The following MYH11 variants were observed in gnomAD, a reference collection of about 807,000 sequenced individuals.
MYH11 encodes myosin heavy chain 11, also known as myosin-11.
A neutral mutation model predicts 246.6 loss-of-function variants in MYH11; 80 were observed. The ratio of observed to expected loss-of-function variants is 0.32; its 90% CI spans 0.27 to 0.39. The LOEUF is 0.39. Ranked by LOEUF, MYH11 falls within the 10% of genes least tolerant of loss-of-function variation. The pLI, the probability that MYH11 is intolerant of heterozygous loss-of-function variation, is 1.00. For synonymous variants in MYH11, 1,071 were observed against 1,015.5 expected (o/e 1.05, Z -1.04); for missense variants, 2,158 against 2,546.8 (o/e 0.85, Z 3.29).
chr16:15,779,220 C>T (rs954401430), intron 6 of MYH11: 1 of 359,158 alleles, frequency 2.8e-6, no homozygotes, highest in Non-Finnish European at 5.4e-6. Context: ...ACCTTGAACT[C>T]CTGGGCTCAA....
rs573674639 is a variant in MYH11 at position 15,831,041 on chromosome 16, A to C, written c.345+6867T>G. On this transcript the variant is annotated intron_variant, in intron 2 of 40. Coordinates refer to ENST00000300036, the MANE Select transcript of MYH11 (RefSeq NM_002474.3). ...ACAAAAATCAGCTGGGTGTGGTAGT[A>C]CACGCCTGTAGTCTCAGCTACTTGG... Among the ~76,000 whole-genome samples the C allele has an allele frequency of 2.5e-4, 38 of 152,252 alleles. 1 individual carries two copies. Among genetic ancestry groups the C allele is most frequent in the African/African-American group, 7.7e-4 (32 of 41,546 alleles).
At chr16:15,705,895 G>A (rs571542328) in intron 40 of MYH11, among the ~76,000 whole-genome samples, 2 of 145,996 alleles carry the variant, frequency 1.4e-5, no homozygotes, top group South Asian at 2.2e-4. Flanking sequence ...TGAGGCAGGA[G>A]AATGACATGA....
chr16:15,715,213 A>G lies in MYH11; in HGVS notation c.5564T>C (p.Leu1855Ser). ...KQKDKKLKEI[L>S]LQVEDERKMA... is the part of the protein sequence containing the mutation. ...CTTGCGCTCGTCCTCCACCTGCAGCAAGATTTCCTTCAGCTTCTTGTCTTT... is the reference window on the plus strand; with the variant it reads ...CTTGCGCTCGTCCTCCACCTGCAGCGAGATTTCCTTCAGCTTCTTGTCTTT... The change falls in exon 39 of 41, where the codon TTG becomes TCG. Residue 1855 changes from leucine (L) to serine (S), a missense_variant. By Grantham distance (145) the Leu-to-Ser change is moderately radical (BLOSUM62 -2). Coordinates refer to ENST00000300036, the MANE Select transcript of MYH11 (RefSeq NM_002474.3). 1 of 1,614,072 alleles carries G rather than the reference A, an allele frequency of 6.2e-7. No individual in the cohort carries two copies.
At chr16:15,812,979 C>A (rs1465390738) in intron 3 of MYH11, among the ~76,000 whole-genome samples, 1 of 152,230 alleles carries the variant, frequency 6.6e-6, no homozygotes, top group Non-Finnish European at 1.5e-5. Flanking sequence ...CCAGTCTGGT[C>A]AACACGGTGA....
At chr16:15,760,414 A>G (rs753985471) in intron 11 of MYH11, 126 bp downstream of exon 11, 7 of 808,566 alleles carry the variant, frequency 8.7e-6, no homozygotes, top group Admixed American at 1.7e-5. Flanking sequence ...GGATGGATGG[A>G]CAGATGCAGA....
intron 3 of MYH11, among the ~76,000 whole-genome samples, chr16:15,822,132 T>C (rs216154): frequency 0.52 from 78,404 of 152,006 alleles, 22,874 homozygotes; most frequent in African/African-American, 0.8. Context: ...AGTCCCTCTA[T>C]CTTGGGGGCG....
intron 12 of MYH11, 74 bp downstream of exon 12, chr16:15,759,502 A>G (rs2041816522): frequency 1.9e-6 from 3 of 1,604,668 alleles, no homozygotes; most frequent in Middle Eastern, 1.7e-4. Context: ...TTTCTCCAAA[A>G]TCATGACTCC....
intron 6 of MYH11, among the ~76,000 whole-genome samples, chr16:15,780,566 C>G (rs960963349): frequency 7.6e-5 from 11 of 145,028 alleles, no homozygotes; most frequent in African/African-American, 2.8e-4. Context: ...ACTGCAACCT[C>G]CATCTCCCCG....
chr16:15,712,975 TC>T (rs1442559251), intron 40 of MYH11: 1 of 150,366 alleles, frequency 6.7e-6, no homozygotes, highest in African/African-American at 2.5e-5. Context: ...TGCCTCAGCC[TC>T]CTGAGTAGCT....
chr16:15,738,194 AT>A (rs547949515), intron 24 of MYH11, among the ~76,000 whole-genome samples: 1 of 151,266 alleles, frequency 6.6e-6, no homozygotes, highest in Non-Finnish European at 1.5e-5. Flanking sequence ...TTCCTTTCTG[AT>A]TTTCCTGCTT....
At chr16:15,855,921 T>C (rs2044455341) in intron 1 of MYH11, among the ~76,000 whole-genome samples, 1 of 152,192 alleles carries the variant, frequency 6.6e-6, no homozygotes, top group African/African-American at 2.4e-5. Flanking sequence ...CACTCCCACC[T>C]TGGGTTTCTA....
chr16:15,752,087 C>G (rs1041726035), intron 15 of MYH11, among the ~76,000 whole-genome samples: 4 of 151,906 alleles, frequency 2.6e-5, no homozygotes, highest in African/African-American at 9.7e-5. Flanking sequence ...CCACCATGCG[C>G]AGCCTCATGC....
chr16:15,796,267 C>T (rs967226247), intron 4 of MYH11, among the ~76,000 whole-genome samples: 1 of 152,154 alleles, frequency 6.6e-6, no homozygotes, highest in Admixed American at 6.5e-5. Flanking sequence ...TTTAAGTGAA[C>T]TTTGTGCTCA....
At chr16:15,728,629 G>T (rs2040869175) in intron 27 of MYH11, among the ~76,000 whole-genome samples, 1 of 152,168 alleles carries the variant, frequency 6.6e-6, no homozygotes, top group Non-Finnish European at 1.5e-5. Context: ...GCCAGGCGCG[G>T]TGGCTCAGGC....
chr16:15,817,951 T>C (rs760855023), intron 3 of MYH11, among the ~76,000 whole-genome samples: 1 of 152,198 alleles, frequency 6.6e-6, no homozygotes, highest in Non-Finnish European at 1.5e-5. Context: ...TTTCTATAAA[T>C]AACTCTAATA....
intron 2 of MYH11, among the ~76,000 whole-genome samples, chr16:15,829,826 A>G (rs989965877): frequency 3.3e-5 from 5 of 152,146 alleles, no homozygotes; most frequent in African/African-American, 9.7e-5. Context: ...AAGTGGAAGG[A>G]ACACTGGCTT....
chr16:15,751,641 TCTCA>T (rs940610922), intron 15 of MYH11, among the ~76,000 whole-genome samples: 1 of 136,902 alleles, frequency 7.3e-6, no homozygotes, highest in Admixed American at 7.6e-5. Flanking sequence ...TGAGACAAGC[TCTCA>T]CTCTGTCGCC....
chr16:15,736,644 C>A (rs1329724409), intron 25 of MYH11, among the ~76,000 whole-genome samples: 4 of 152,150 alleles, frequency 2.6e-5, no homozygotes, highest in African/African-American at 9.7e-5. Flanking sequence ...GTAGCACTGT[C>A]AACATAGCAC....
Position 15,806,148 on chromosome 16 carries a change from G to A in MYH11, c.503-7461C>T, listed in dbSNP as rs550144488. ...AAAAATTAGCCAGGTGTGGTGGCAC[G>A]TGCCTATAGTCCCAGCTACTCGGGA... On this transcript the variant is annotated intron_variant, in intron 3 of 40. Coordinates refer to ENST00000300036, the MANE Select transcript of MYH11 (RefSeq NM_002474.3). 9.2e-5 allele frequency among the ~76,000 whole-genome samples: 14 copies of A among 151,504 alleles called. No individual in the cohort carries two copies. The East Asian group carries it at 2.7e-3, about 29-fold the overall frequency.
Sources: allele counts gnomAD v4.1 joint callset (sites outside exome capture counted in the v4.1 genomes callset), GRCh38; gene constraint gnomAD v4.1.1; transcripts MANE v1.5; gene names NCBI Gene and HGNC (gene_info 2026-07-23, HGNC 2026-07-21).